EML3: variants seen among roughly 807,000 people sequenced by gnomAD.
EML3 encodes the protein EMAP like 3.
EML3 carries 53 observed loss-of-function variants against 106.7 expected under a neutral mutation model. That is an observed-to-expected ratio of 0.50 (90% CI 0.40 to 0.62). EML3 has a LOEUF of 0.62. Among genes scored for constraint, EML3 ranks in the 20% least tolerant of loss-of-function variants. The probability of loss-of-function intolerance (pLI) is 0.00; values close to 1 mark genes in which losing one functional copy is unlikely to be tolerated. For missense variants in EML3, 994 were observed against 1,209.1 expected (o/e 0.82, Z 2.64); for synonymous variants, 499 against 489.6 (o/e 1.02, Z -0.25).
At position 62,611,547 on chromosome 11, in the gene EML3, C is replaced by T; in HGVS notation, c.72G>A (p.Arg24=). 1 of 1,613,768 alleles carries T rather than the reference C, an allele frequency of 6.2e-7. No individual in the cohort carries two copies. ...CCAGTTCCATCTCCTGCTCCTGCAC[C>T]CGAAGCCGCTGGCTCAGAGACTGGA... The part of the protein sequence containing the change: ...EALQSLSQRL[R]VQEQEMELVK... Residue 24 remains arginine, a synonymous_variant, in exon 2 of 22, where the codon CGG becomes CGA. Coordinates refer to ENST00000394773, the MANE Select transcript of EML3 (RefSeq NM_153265.3).
chr11:62,603,869 G>GAGCCCC, intron 18 of EML3, 53 bp from the exon 19 acceptor site: 2 of 1,611,494 alleles, frequency 1.2e-6, no homozygotes, highest in Non-Finnish European at 1.7e-6. Flanking sequence ...CCCATCCCCA[G>GAGCCCC]AGCCCCCTTG....
Position 62,611,012 on chromosome 11 carries a change from G to A in EML3, c.453-20C>T, listed in dbSNP as rs1942787503. The A allele has an allele frequency of 6.2e-7, 1 of 1,611,210 alleles. No homozygotes were observed. The highest frequency in any genetic ancestry group is 8.5e-7 in the Non-Finnish European group (1 of 1,179,242). On this transcript the variant is annotated intron_variant, in intron 3 of 21. Coordinates refer to ENST00000394773, the MANE Select transcript of EML3 (RefSeq NM_153265.3). The stretch of plus-strand genomic sequence containing the variant: ...CGCGGCCTGGTGGGGGCATAGTGAA[G>A]GTCATTCCCTCCAACTGTACTCTGC...
chr11:62,610,175 T>C (rs1176838899), intron 4 of EML3, among the ~76,000 whole-genome samples: 1 of 152,234 alleles, frequency 6.6e-6, no homozygotes, highest in East Asian at 1.9e-4. Context: ...GAGTCGAGAA[T>C]GTACACCAGC....
chr11:62,608,785 C>T lies in EML3; in HGVS notation c.950G>A (p.Gly317Asp), dbSNP rs1274436877. 6.3e-7 allele frequency: 1 copy of T among 1,581,310 alleles called. No individual in the cohort carries two copies. The highest frequency in any genetic ancestry group is 1.7e-5 in the Admixed American group (1 of 58,212). Reference sequence around the variant, plus strand: ...TGTCTGTCCCGAGGCTACCCGAACACCATCAGGGTGAACAGCAAGGCTAAG... The same window carrying T: ...TGTCTGTCCCGAGGCTACCCGAACATCATCAGGGTGAACAGCAAGGCTAAG... ...CVRCLAVHPDGVRVASGQTAG... is the reference protein window; with the variant it reads ...CVRCLAVHPDDVRVASGQTAG... The change falls in exon 8 of 22, where the codon GGT becomes GAT. Residue 317 changes from glycine (G) to aspartate (D), a missense_variant. This residue lies in a region of EML3 where 713 missense variants were observed against 920.5 expected (regional missense o/e 0.77). Coordinates refer to ENST00000394773, the MANE Select transcript of EML3 (RefSeq NM_153265.3).
In EML3 at chr11:62,612,448, C is replaced by A; in HGVS notation, c.10G>T (p.Ala4Ser). 2 of 1,464,156 alleles carry A rather than the reference C, an allele frequency of 1.4e-6. No homozygotes were observed. The highest frequency in any genetic ancestry group is 1.8e-6 in the Non-Finnish European group (2 of 1,116,362). 90.7% of individuals were successfully genotyped at this position (1,464,156 alleles called of 1,614,324 possible). MDG[A>S]AGPGDGPARE... ...GCCCCGTACTCACCGGGCCCCGCGG[C>A]CCCGTCCATCCGGCCCCCGGGTTGC... The change falls in exon 1 of 22, where the codon GCC becomes TCC. Residue 4 changes from alanine (A) to serine (S), a missense_variant. Physicochemically the swap from Ala to Ser is moderately conservative, Grantham distance 99. This residue lies in a region of EML3 where 12 missense variants were observed against 23.5 expected (regional missense o/e 0.51). Transcript: ENST00000394773.
chr11:62,609,067 T>C lies in EML3; in HGVS notation c.824A>G (p.Tyr275Cys). The C allele has an allele frequency of 1.2e-6, 2 of 1,613,798 alleles. No homozygotes were observed. The highest frequency in any genetic ancestry group is 1.3e-5 in the African/African-American group (1 of 74,906). Residue 275 changes from tyrosine (Y) to cysteine (C), a missense_variant, in exon 7 of 22, where the codon TAC (tyrosine) becomes TGC (cysteine). Coordinates refer to ENST00000394773, the MANE Select transcript of EML3 (RefSeq NM_153265.3). Reference sequence around the variant, plus strand: ...CAGCACCACCACACAGGCGATAAAGTAGACCACCTCCCCAGAGCGCAACAC... The same window carrying C: ...CAGCACCACCACACAGGCGATAAAGCAGACCACCTCCCCAGAGCGCAACAC... ...LFVLRSGEVVYFIACVVVLYR... is the reference protein window; with the variant it reads ...LFVLRSGEVVCFIACVVVLYR...
In EML3 at chr11:62,603,711, T is replaced by C. The variant is rs763969052; in HGVS notation, c.2257+18A>G. The C allele has an allele frequency of 2.5e-6, 4 of 1,610,824 alleles. No individual in the cohort carries two copies. The African/African-American group carries it at 4.0e-5, about 16-fold the overall frequency. On this transcript the variant is annotated intron_variant, in intron 19 of 21. Transcript: ENST00000394773. ...CTCCAATTACCCTCTCCCCATGTCCTGCTCCACTGCCACTCACAGTAAAGA... is the reference window on the plus strand; with the variant it reads ...CTCCAATTACCCTCTCCCCATGTCCCGCTCCACTGCCACTCACAGTAAAGA...
Sources: allele counts gnomAD v4.1 joint callset (sites outside exome capture counted in the v4.1 genomes callset), GRCh38; gene constraint gnomAD v4.1.1; regional missense constraint gnomAD v4.1.1; transcripts MANE v1.5; gene names NCBI Gene and HGNC (gene_info 2026-07-23, HGNC 2026-07-21).